Variants in PPP1R14C observed in about 807,000 individuals in gnomAD.
PPP1R14C encodes protein phosphatase 1 regulatory subunit 14C.
Under a neutral mutation model 20.4 loss-of-function variants are expected in PPP1R14C, and 16 were observed. The ratio of observed to expected loss-of-function variants is 0.78; its 90% confidence interval spans 0.53 to 1.19. The LOEUF is 1.19. Ranked by LOEUF, PPP1R14C falls within the 50% of genes most tolerant of loss-of-function variation. The pLI is 0.00. For missense variants in PPP1R14C, 211 were observed against 220.1 expected (o/e 0.96, Z 0.26); for synonymous variants, 91 against 91.0 (o/e 1.00, Z 0.00).
Position 150,143,881 on chromosome 6 carries a change from AG to A in PPP1R14C, c.306+384del, listed in dbSNP as rs1359631453. Among the ~76,000 whole-genome samples the A allele has an allele frequency of 6.6e-6, 1 of 152,224 alleles. No homozygotes were observed. Among genetic ancestry groups the A allele is most frequent in the Non-Finnish European group, 1.5e-5 (1 of 68,032 alleles). ...CCTCAGCAGCGGTTGGGGATACAGC[AG>A]CCAAAGAGAGCAGCGCTCACTGCTG... On this transcript the variant is annotated intron_variant, in intron 1 of 3. Transcript: ENST00000361131. This position sits in a 1 kb window ranked among gnomAD's most constrained non-coding sequence, Gnocchi z 5.6.
intron 3 of PPP1R14C, among the ~76,000 whole-genome samples, chr6:150,246,358 G>A (rs777538934): frequency 3.3e-5 from 5 of 151,866 alleles, no homozygotes; most frequent in Non-Finnish European, 5.9e-5. Flanking sequence ...GTAGTCATAT[G>A]CATAACAGAT....
In PPP1R14C at chr6:150,143,740, G is replaced by A. The variant is rs1041415722; in HGVS notation, c.306+242G>A. On this transcript the variant is annotated intron_variant, in intron 1 of 3. Transcript: ENST00000361131. The surrounding 1 kb of genome is among the most constrained non-coding windows in gnomAD (Gnocchi z 5.6). ...CGGGGATCTGCGGGCCCCCTTGGTG[G>A]CCGTGGGGAGGGTTGGGTCCCGCGG... 1.3e-5 allele frequency among the ~76,000 whole-genome samples: 2 copies of A among 152,036 alleles called. No individual in the cohort carries two copies. The highest frequency in any genetic ancestry group is 6.5e-5 in the Admixed American group (1 of 15,280).
chr6:150,171,014 C>T (rs182773842), intron 1 of PPP1R14C, among the ~76,000 whole-genome samples: 1 of 152,116 alleles, frequency 6.6e-6, no homozygotes, highest in Non-Finnish European at 1.5e-5. Context: ...CCCAGTCCCC[C>T]AACACAGCCT....
At chr6:150,217,771 G>A (rs1229215510) in intron 3 of PPP1R14C, among the ~76,000 whole-genome samples, 1 of 152,122 alleles carries the variant, frequency 6.6e-6, no homozygotes, top group Non-Finnish European at 1.5e-5. Flanking sequence ...TATAAGATCC[G>A]TCAGATGTTT....
chr6:150,249,555 C>T lies in PPP1R14C; in HGVS notation c.*735C>T. ...TTGCCAGGTCATGTGCTTATTGTCT[C>T]ATTTTGTAGTCTTTTAAAGTTGTAT... On this transcript the variant is annotated 3_prime_UTR_variant, in exon 4 of 4. Coordinates refer to ENST00000361131, the MANE Select transcript of PPP1R14C (RefSeq NM_030949.3). The T allele has an allele frequency of 2.5e-6, 1 of 398,552 alleles. No individual in the cohort carries two copies. The highest frequency in any genetic ancestry group is 4.4e-5 in the Admixed American group (1 of 22,720). The allele number at this position is 398,552 out of a possible 1,614,324, so 24.7% of individuals were successfully genotyped here. A position where few individuals can be genotyped will look rare whatever the true frequency, so the allele number is the denominator to read the frequency against.
chr6:150,149,132 A>T (rs1777213196), intron 1 of PPP1R14C, among the ~76,000 whole-genome samples: 1 of 152,206 alleles, frequency 6.6e-6, no homozygotes. Flanking sequence ...ACTGCTTAAC[A>T]CATTCCCTTT....
Position 150,185,417 on chromosome 6 carries a change from G to C in PPP1R14C, c.307-29327G>C, listed in dbSNP as rs890261301. 2.0e-5 allele frequency among the ~76,000 whole-genome samples: 3 copies of C among 152,020 alleles called. No homozygotes were observed. Among genetic ancestry groups the C allele is most frequent in the African/African-American group, 7.2e-5 (3 of 41,384 alleles). On this transcript the variant is annotated intron_variant, in intron 1 of 3. Coordinates refer to ENST00000361131, the MANE Select transcript of PPP1R14C (RefSeq NM_030949.3). This position sits in a 1 kb window ranked among gnomAD's most constrained non-coding sequence, Gnocchi z 4.1. ...TACCTCATCGATTTCCTGACTGCTC[G>C]TCTTGCCATGGGGACCATCCTTGCA... is the stretch of plus-strand genomic sequence containing the variant.
intron 1 of PPP1R14C, among the ~76,000 whole-genome samples, chr6:150,167,709 T>G (rs989840039): frequency 2.6e-5 from 4 of 152,058 alleles, no homozygotes; most frequent in African/African-American, 9.7e-5. Flanking sequence ...CAGAGAGCTC[T>G]GAGCCTGTTG....
At chr6:150,215,398 C>T (rs756610012) in intron 2 of PPP1R14C, among the ~76,000 whole-genome samples, 38 of 152,300 alleles carry the variant, frequency 2.5e-4, no homozygotes, top group Middle Eastern at 6.8e-3. Flanking sequence ...TCCCTTCCCA[C>T]AGGAGGTCAA....
At chr6:150,222,553 G>A (rs941202170) in intron 3 of PPP1R14C, among the ~76,000 whole-genome samples, 1 of 152,010 alleles carries the variant, frequency 6.6e-6, no homozygotes, top group Non-Finnish European at 1.5e-5. Context: ...CACCACTACA[G>A]CATCATACAG....
intron 3 of PPP1R14C, among the ~76,000 whole-genome samples, chr6:150,226,086 A>C (rs368928020): frequency 6.7e-6 from 1 of 148,930 alleles, no homozygotes; most frequent in African/African-American, 2.5e-5. Flanking sequence ...ATTTTGATTC[A>C]TATTCATTCC....
intron 1 of PPP1R14C, among the ~76,000 whole-genome samples, chr6:150,199,955 T>C (rs1427826860): frequency 6.6e-6 from 1 of 152,108 alleles, no homozygotes; most frequent in Non-Finnish European, 1.5e-5. Context: ...TCAGATACGC[T>C]CTGGAAATGG....
chr6:150,183,801 C>T (rs762032273), intron 1 of PPP1R14C, among the ~76,000 whole-genome samples: 10 of 151,882 alleles, frequency 6.6e-5, no homozygotes, highest in African/African-American at 1.7e-4. Flanking sequence ...CCACCGTGCC[C>T]GGCCCAAACT....
At chr6:150,150,933 C>T (rs1777239242) in intron 1 of PPP1R14C, among the ~76,000 whole-genome samples, 1 of 152,180 alleles carries the variant, frequency 6.6e-6, no homozygotes, top group Non-Finnish European at 1.5e-5. Context: ...GCACATGCCG[C>T]TCCGTCTTTC....
At chr6:150,164,790 T>G (rs191694801) in intron 1 of PPP1R14C, 1 of 152,372 alleles carries the variant, frequency 6.6e-6, no homozygotes, top group Non-Finnish European at 1.5e-5. Flanking sequence ...TGAATGTTTA[T>G]ATCCCCCTAA....
chr6:150,194,751 C>T, intron 1 of PPP1R14C: 1 of 985,334 alleles, frequency 1.0e-6, no homozygotes, highest in South Asian at 4.7e-5. Flanking sequence ...TAATTTGTTG[C>T]ATAGTTTAAG....
At chr6:150,195,756 C>A in intron 1 of PPP1R14C, 1 of 782,986 alleles carries the variant, frequency 1.3e-6, no homozygotes, top group Non-Finnish European at 1.5e-6. Flanking sequence ...TTTTTGCAAC[C>A]ATCCCCACCA....
Position 150,249,487 on chromosome 6 carries a change from G to T in PPP1R14C, c.*667G>T. ...CACAGAAATGTTAAGTTGGTCAAGG[G>T]CTTAATTTATGGAATTTCTATTATT... On this transcript the variant is annotated 3_prime_UTR_variant, in exon 4 of 4. Coordinates refer to ENST00000361131, the MANE Select transcript of PPP1R14C (RefSeq NM_030949.3). 2.5e-6 allele frequency: 1 copy of T among 398,580 alleles called. No homozygotes were observed. Among genetic ancestry groups the T allele is most frequent in the Non-Finnish European group, 4.4e-6 (1 of 226,044 alleles). 24.7% of individuals were successfully genotyped at this position (398,580 alleles called of 1,614,324 possible).
At chr6:150,182,110 A>AT (rs1297941974) in intron 1 of PPP1R14C, among the ~76,000 whole-genome samples, 6 of 144,774 alleles carry the variant, frequency 4.1e-5, no homozygotes, top group African/African-American at 1.6e-4. Flanking sequence ...AAATTCAGCC[A>AT]TTTTCATGAA....
Sources: allele counts gnomAD v4.1 joint callset (sites outside exome capture counted in the v4.1 genomes callset), GRCh38; gene constraint gnomAD v4.1.1; non-coding constraint Gnocchi (gnomAD v3.1); transcripts MANE v1.5; gene names NCBI Gene and HGNC (gene_info 2026-07-23, HGNC 2026-07-21).